Variants in COLGALT2 observed in about 807,000 individuals in gnomAD.
The protein encoded by COLGALT2 is procollagen galactosyltransferase 2.
COLGALT2 carries 49 observed loss-of-function variants against 73.4 expected under a neutral mutation model. The ratio of observed to expected loss-of-function variants is 0.67; its 90% CI spans 0.53 to 0.85. The LOEUF is 0.85. COLGALT2 is among the 40% of genes least tolerant of loss of function. The pLI is 0.00. For synonymous variants in COLGALT2, 295 were observed against 307.6 expected (o/e 0.96, Z 0.43); for missense variants, 722 against 790.2 (o/e 0.91, Z 1.03).
chr1:183,947,791 CA>C (rs1345723207), intron 8 of COLGALT2, among the ~76,000 whole-genome samples: 1 of 151,776 alleles, frequency 6.6e-6, no homozygotes, highest in Non-Finnish European at 1.5e-5. Context: ...AGAGAAAAAT[CA>C]ACAAAACCAA....
intron 6 of COLGALT2, among the ~76,000 whole-genome samples, chr1:183,957,466 A>G (rs1393300084): frequency 6.6e-6 from 1 of 152,222 alleles, no homozygotes; most frequent in Non-Finnish European, 1.5e-5. Flanking sequence ...GGAATAGTAC[A>G]TGATAGATTG....
chr1:183,945,582 C>G lies in COLGALT2; in HGVS notation c.1137-18G>C. The G allele has an allele frequency of 6.2e-7, 1 of 1,612,914 alleles. No homozygotes were observed. ...TGAGTGCCCTGCATCACATAAAACA[C>G]GTCTGGAGATTAACAAGTCAAAGGT... On this transcript the variant is annotated intron_variant, in intron 8 of 11. Transcript: ENST00000361927.
chr1:184,017,945 C>T (rs1269034526), intron 1 of COLGALT2, among the ~76,000 whole-genome samples: 1 of 152,162 alleles, frequency 6.6e-6, no homozygotes, highest in Non-Finnish European at 1.5e-5. Context: ...GAACCATTAT[C>T]ATAATGCTTG....
In COLGALT2 at chr1:184,037,475, C is replaced by T; in HGVS notation, c.-118G>A. On this transcript the variant is annotated 5_prime_UTR_variant, in exon 1 of 12. Transcript: ENST00000361927. Reference sequence around the variant, plus strand: ...TGCGAGGGGCGGCCGGGGGATGCGGCTTGCCGCGGCCGGCCGGCTCACACA... The same window carrying T: ...TGCGAGGGGCGGCCGGGGGATGCGGTTTGCCGCGGCCGGCCGGCTCACACA... The T allele has an allele frequency of 8.4e-7, 1 of 1,192,882 alleles. No homozygotes were observed. Among genetic ancestry groups the T allele is most frequent in the Non-Finnish European group, 1.0e-6 (1 of 964,472 alleles). 73.9% of individuals were successfully genotyped at this position (1,192,882 alleles called of 1,614,324 possible).
At chr1:183,985,271 T>G (rs1257522315) in intron 1 of COLGALT2, among the ~76,000 whole-genome samples, 1 of 152,122 alleles carries the variant, frequency 6.6e-6, no homozygotes, top group East Asian at 1.9e-4. Flanking sequence ...ACAGTACTCC[T>G]TTATTTTATT....
chr1:183,994,357 C>T (rs2102832889), intron 1 of COLGALT2, among the ~76,000 whole-genome samples: 1 of 151,890 alleles, frequency 6.6e-6, no homozygotes, highest in South Asian at 2.1e-4. Context: ...ATTCTTACAA[C>T]ATCCTAGGAA....
At chr1:183,959,392 G>A (rs146665374) in intron 6 of COLGALT2, among the ~76,000 whole-genome samples, 247 of 152,002 alleles carry the variant, frequency 1.6e-3, no homozygotes, top group Non-Finnish European at 2.1e-3. Flanking sequence ...TTAAACTTAC[G>A]TGACCAAAAC....
intron 1 of COLGALT2, among the ~76,000 whole-genome samples, chr1:183,982,181 A>C (rs1246186473): frequency 6.6e-6 from 1 of 152,076 alleles, no homozygotes; most frequent in Admixed American, 6.6e-5. Context: ...GGAGAGGGAG[A>C]GAGGTGATGT....
intron 5 of COLGALT2, among the ~76,000 whole-genome samples, chr1:183,965,350 C>T (rs1670838467): frequency 6.6e-6 from 1 of 152,148 alleles, no homozygotes; most frequent in Non-Finnish European, 1.5e-5. Context: ...GATACCTATC[C>T]AAATTATCCA....
intron 6 of COLGALT2, among the ~76,000 whole-genome samples, chr1:183,959,740 C>T (rs531517835): frequency 5.3e-5 from 8 of 152,208 alleles, no homozygotes; most frequent in Admixed American, 6.6e-5. Context: ...CCATCTTCCA[C>T]GGATTCCCAT....
chr1:183,986,603 T>C (rs954686644), intron 1 of COLGALT2, among the ~76,000 whole-genome samples: 4 of 152,254 alleles, frequency 2.6e-5, no homozygotes, highest in African/African-American at 9.6e-5. Flanking sequence ...CCCATTATCA[T>C]CTTTCAATAA....
At position 183,938,836 on chromosome 1, in the gene COLGALT2, G is replaced by A. The variant is rs755860847; in HGVS notation, c.1806C>T (p.Tyr602=). 5 of 1,614,188 alleles carry A rather than the reference G, an allele frequency of 3.1e-6. No homozygotes were observed. Among genetic ancestry groups the A allele is most frequent in the South Asian group, 2.2e-5 (2 of 91,074 alleles). The part of the protein sequence containing the change: ...AWKSRKQSRI[Y]SNAKNTEALP... ...GGGCCTCTGTGTTCTTGGCATTGCT[G>A]TAGATGCGGCTTTGCTTCCGGGACT... Residue 602 remains tyrosine (Y), a synonymous_variant, in exon 12 of 12, where the codon TAC becomes TAT. Transcript: ENST00000361927.
chr1:183,957,117 A>C (rs1321699060), intron 6 of COLGALT2, among the ~76,000 whole-genome samples: 1 of 152,064 alleles, frequency 6.6e-6, no homozygotes, highest in Non-Finnish European at 1.5e-5. Context: ...ATTGTTACAG[A>C]GGTCTTATCA....
At chr1:183,996,773 C>T (rs1281146329) in intron 1 of COLGALT2, among the ~76,000 whole-genome samples, 6 of 152,204 alleles carry the variant, frequency 3.9e-5, no homozygotes, top group Non-Finnish European at 7.4e-5. Flanking sequence ...AAGGTCTGGA[C>T]ATACAGCAGG....
chr1:183,938,430 A>G lies in COLGALT2; in HGVS notation c.*331T>C. On this transcript the variant is annotated 3_prime_UTR_variant, in exon 12 of 12. Coordinates refer to ENST00000361927, the MANE Select transcript of COLGALT2 (RefSeq NM_015101.4). ...GCTCGGTGATCACTTTCTCTTGAAC[A>G]AGACTCTGAGCCATGTTGTTCAACC... 1 of 1,111,856 alleles carries G rather than the reference A, an allele frequency of 9.0e-7. No individual in the cohort carries two copies. Among genetic ancestry groups the G allele is most frequent in the Non-Finnish European group, 1.1e-6 (1 of 908,930 alleles). 68.9% of individuals were successfully genotyped at this position (1,111,856 alleles called of 1,614,324 possible).
chr1:183,930,614 T>G (rs1358146346), intron 11 of COLGALT2, among the ~76,000 whole-genome samples: 1 of 148,748 alleles, frequency 6.7e-6, no homozygotes, highest in Non-Finnish European at 1.5e-5. Context: ...AGATAGGGTC[T>G]TGCCATGATT....
chr1:183,998,932 T>C (rs1671842525), intron 1 of COLGALT2, among the ~76,000 whole-genome samples: 1 of 152,132 alleles, frequency 6.6e-6, no homozygotes, highest in Non-Finnish European at 1.5e-5. Flanking sequence ...TCTACCAATT[T>C]GTATAATTTA....
chr1:184,012,434 T>C (rs1364627571), intron 1 of COLGALT2, among the ~76,000 whole-genome samples: 1 of 152,210 alleles, frequency 6.6e-6, no homozygotes, highest in Non-Finnish European at 1.5e-5. Flanking sequence ...CTGGATCACA[T>C]TTCCAAATTC....
chr1:184,032,502 G>C (rs1649544986), intron 1 of COLGALT2, among the ~76,000 whole-genome samples: 1 of 152,142 alleles, frequency 6.6e-6, no homozygotes, highest in Non-Finnish European at 1.5e-5. Flanking sequence ...TCACACAGAA[G>C]ATTTATGCTC....
Sources: allele counts gnomAD v4.1 joint callset (sites outside exome capture counted in the v4.1 genomes callset), GRCh38; gene constraint gnomAD v4.1.1; transcripts MANE v1.5; gene names NCBI Gene and HGNC (gene_info 2026-07-23, HGNC 2026-07-21).